The following MYO10 variants were observed in gnomAD, a reference collection of about 807,000 sequenced individuals.
MYO10 encodes myosin X, also known as unconventional myosin-X.
A neutral mutation model predicts 257.3 loss-of-function variants in MYO10; 133 were observed. The ratio of observed to expected loss-of-function variants is 0.52; its 90% CI spans 0.45 to 0.60. The LOEUF (loss-of-function observed/expected upper bound fraction) is 0.60, where lower values mean the gene tolerates loss of function less well. Ranked by LOEUF, MYO10 falls within the 20% of genes least tolerant of loss-of-function variation. MYO10 has a pLI of 0.00. For missense variants in MYO10, 2,399 were observed against 2,635.7 expected (o/e 0.91, Z 1.97); for synonymous variants, 1,104 against 1,028.6 (o/e 1.07, Z -1.40).
intron 21 of MYO10, 46 bp downstream of exon 21, chr5:16,710,862 G>T: frequency 6.6e-7 from 1 of 1,517,086 alleles, no homozygotes; most frequent in Non-Finnish European, 9.1e-7. Context: ...ATCACCCCGA[G>T]ATCTGTCAGG....
intron 1 of MYO10, among the ~76,000 whole-genome samples, chr5:16,908,345 T>C (rs1339298825): frequency 1.3e-5 from 2 of 152,074 alleles, no homozygotes; most frequent in Admixed American, 1.3e-4. Flanking sequence ...CTGGCCAATA[T>C]GGTGAAACCT....
chr5:16,924,611 A>T (rs1746080616), intron 1 of MYO10, among the ~76,000 whole-genome samples: 1 of 152,166 alleles, frequency 6.6e-6, no homozygotes, highest in Admixed American at 6.6e-5. Context: ...GTTTTCTAGA[A>T]ACAACCTAAA....
At chr5:16,794,383 T>TTTA (rs751679786) in intron 4 of MYO10, among the ~76,000 whole-genome samples, 3 of 140,604 alleles carry the variant, frequency 2.1e-5, no homozygotes, top group Non-Finnish European at 3.1e-5. Flanking sequence ...AATGTTGCTT[T>TTTA]AAAAAAAAAA....
At chr5:16,793,832 G>A (rs1225252188) in intron 4 of MYO10, among the ~76,000 whole-genome samples, 2 of 151,736 alleles carry the variant, frequency 1.3e-5, no homozygotes, top group African/African-American at 4.8e-5. Context: ...TCGGGAGGCT[G>A]AGGCAGGAGA....
chr5:16,710,575 A>G (rs1050582730), intron 21 of MYO10: 2 of 305,602 alleles, frequency 6.5e-6, no homozygotes, highest in South Asian at 4.7e-5. Flanking sequence ...ATCGCTTTGT[A>G]GACACTGGGG....
At chr5:16,722,251 T>C (rs1326861360) in intron 19 of MYO10, among the ~76,000 whole-genome samples, 1 of 152,240 alleles carries the variant, frequency 6.6e-6, no homozygotes, top group Non-Finnish European at 1.5e-5. Context: ...GGTCACACTC[T>C]TTTTCATCTT....
chr5:16,786,630 G>C (rs887478683), intron 4 of MYO10, among the ~76,000 whole-genome samples: 1 of 151,968 alleles, frequency 6.6e-6, no homozygotes, highest in Non-Finnish European at 1.5e-5. Flanking sequence ...AGGGATGCTC[G>C]ACCAGTATAA....
At chr5:16,686,577 C>T (rs1247394424) in intron 28 of MYO10, among the ~76,000 whole-genome samples, 1 of 151,788 alleles carries the variant, frequency 6.6e-6, no homozygotes, top group Non-Finnish European at 1.5e-5. Context: ...TCTTCTTGCC[C>T]AAGCTGGAGT....
At chr5:16,773,532 T>C (rs1482253369) in intron 9 of MYO10, among the ~76,000 whole-genome samples, 2 of 151,920 alleles carry the variant, frequency 1.3e-5, no homozygotes, top group Non-Finnish European at 2.9e-5. Flanking sequence ...TGTGCTGGCA[T>C]ACACCTGTAC....
At chr5:16,934,293 G>C (rs944929382) in intron 1 of MYO10, among the ~76,000 whole-genome samples, 6 of 152,266 alleles carry the variant, frequency 3.9e-5, no homozygotes, top group Non-Finnish European at 7.3e-5. Flanking sequence ...ACAGGCTACA[G>C]GAGGAGTGAG....
At position 16,666,401 on chromosome 5, in the gene MYO10, TC is replaced by T. The variant is rs1736170039; in HGVS notation, c.*290del. 1 of 354,934 alleles carries T rather than the reference TC, an allele frequency of 2.8e-6. No homozygotes were observed. The highest frequency in any genetic ancestry group is 5.1e-6 in the Non-Finnish European group (1 of 196,984). The allele number at this position is 354,934 out of a possible 1,614,324, so 22.0% of individuals were successfully genotyped here. A position where few individuals can be genotyped will look rare whatever the true frequency, so the allele number is the denominator to read the frequency against. On this transcript the variant is annotated 3_prime_UTR_variant, in exon 41 of 41. Transcript: ENST00000513610. ...TGTTGGTTCCACAAGTTAAGGCACT[TC>T]CGGCTGCTTTGGTGGCAGCGTGGTT...
rs1736104144 is a variant in MYO10, at chr5:16,665,194, C to CTCTG, written c.*1494_*1497dup. ...CTCCAGCCTGGGTAACAGAGTGAGA[C>CTCTG]TCTGTCTCTAAAGAAAAAAAAAAAA... On this transcript the variant is annotated 3_prime_UTR_variant, in exon 41 of 41. Transcript: ENST00000513610. 6.9e-6 allele frequency: 1 copy of CTCTG among 145,546 alleles called. No individual in the cohort carries two copies. Among genetic ancestry groups the CTCTG allele is most frequent in the Admixed American group, 7.0e-5 (1 of 14,352 alleles). 9.0% of individuals were successfully genotyped at this position (145,546 alleles called of 1,614,324 possible).
intron 2 of MYO10, among the ~76,000 whole-genome samples, chr5:16,834,580 C>A (rs31504): frequency 1.3e-5 from 2 of 152,268 alleles, no homozygotes; most frequent in Non-Finnish European, 2.9e-5. Flanking sequence ...GCAGCTACCA[C>A]GTGTGGTACT....
intron 33 of MYO10, among the ~76,000 whole-genome samples, chr5:16,679,155 T>G (rs1736866354): frequency 6.6e-6 from 1 of 152,236 alleles, no homozygotes; most frequent in African/African-American, 2.4e-5. Flanking sequence ...CTGAGAGGGA[T>G]GCCAAGTGTT....
chr5:16,757,319 C>CAA (rs1740564253), intron 18 of MYO10, among the ~76,000 whole-genome samples: 1 of 145,926 alleles, frequency 6.9e-6, no homozygotes, highest in African/African-American at 2.6e-5. Flanking sequence ...CACACACGCA[C>CAA]ACACACACAC....
rs192093742 is a variant in MYO10, at chr5:16,676,496, C to T, written c.4543-342G>A. On this transcript the variant is annotated intron_variant, in intron 33 of 40. Transcript: ENST00000513610. ...TTTTGGGAGGCTGACGCAGGTGGAT[C>T]GTGAGGTCAGCAGTTCGAGACCAGC... is the stretch of plus-strand genomic sequence containing the variant. Among the ~76,000 whole-genome samples, 4 of 152,294 alleles carry T rather than the reference C, an allele frequency of 2.6e-5. 1 individual carries two copies. The highest frequency in any genetic ancestry group is 2.4e-5 in the African/African-American group (1 of 41,564).
At chr5:16,718,809 T>C (rs1318897956) in intron 19 of MYO10, among the ~76,000 whole-genome samples, 1 of 152,034 alleles carries the variant, frequency 6.6e-6, no homozygotes, top group African/African-American at 2.4e-5. Context: ...ACACTCTGTA[T>C]CTAGCTGCTC....
chr5:16,885,369 G>A (rs938581788), intron 1 of MYO10, among the ~76,000 whole-genome samples: 15 of 152,100 alleles, frequency 9.9e-5, no homozygotes, highest in African/African-American at 3.1e-4. Context: ...ATGGAGAGAA[G>A]AGCAAAGCAA....
At position 16,818,143 on chromosome 5, in the gene MYO10, T is replaced by A; in HGVS notation, c.145A>T (p.Ile49Phe). 1 of 1,597,038 alleles carries A rather than the reference T, an allele frequency of 6.3e-7. No homozygotes were observed. Among genetic ancestry groups the A allele is most frequent in the Non-Finnish European group, 8.6e-7 (1 of 1,167,742 alleles). ...ATAGCAGTCACCTTCTGGTGGGTAA[T>A]TGTGCTCTGCTTGTAAGTGAATACC... Reference protein sequence around the residue: ...GQVFTYKQSTITHQKVTAMHP... With the variant: ...GQVFTYKQSTFTHQKVTAMHP... The change falls in exon 3 of 41, where the codon ATT (isoleucine) becomes TTT (phenylalanine). Residue 49 changes from isoleucine to phenylalanine, a missense_variant. By Grantham distance (21) the Ile-to-Phe change is conservative. Around this residue, in one of 3 missense-constraint regions of MYO10, gnomAD observed 242 missense variants for 249.5 expected, o/e 0.97. Coordinates refer to ENST00000513610, the MANE Select transcript of MYO10 (RefSeq NM_012334.3).
Sources: gnomAD v4.1 joint callset for allele counts (sites outside exome capture counted in the v4.1 genomes callset) on GRCh38, gnomAD v4.1.1 for gene constraint, gnomAD v4.1.1 regional missense constraint, MANE v1.5 for transcripts, NCBI Gene and HGNC (gene_info 2026-07-23, HGNC 2026-07-21) for gene names.